The following SRR variants were observed in gnomAD, a reference collection of about 807,000 sequenced individuals.
The protein encoded by SRR is serine racemase.
In SRR, 19 loss-of-function variants were observed where a neutral mutation model predicts 32.7. That is an observed-to-expected ratio of 0.58 (90% CI 0.40 to 0.85). SRR has a LOEUF of 0.85. SRR is among the 40% of genes least tolerant of loss of function. SRR has a pLI of 0.00. For missense variants in SRR, 373 were observed against 404.7 expected (o/e 0.92, Z 0.67); for synonymous variants, 142 against 140.9 (o/e 1.01, Z -0.06).
chr17:2,303,896 T>A, upstream of SRR: 1 of 355,544 alleles, frequency 2.8e-6, no homozygotes, highest in Non-Finnish European at 5.0e-6. Context: ...CGCCGCCGGT[T>A]CCAGAGGGGC....
intron 1 of SRR, among the ~76,000 whole-genome samples, chr17:2,306,596 A>G (rs909116470): frequency 5.9e-5 from 9 of 152,002 alleles, no homozygotes; most frequent in African/African-American, 2.2e-4. Flanking sequence ...GGGTGCCTGT[A>G]ATCCCAGCTA....
Position 2,323,930 on chromosome 17 carries a change from T to C in SRR, c.*57T>C. The C allele has an allele frequency of 4.1e-6, 6 of 1,466,698 alleles. No individual in the cohort carries two copies. The highest frequency in any genetic ancestry group is 5.7e-6 in the Non-Finnish European group (6 of 1,058,430). 90.9% of individuals were successfully genotyped at this position (1,466,698 alleles called of 1,614,324 possible). ...GTCTTTAGATACTGAAGACATTTTG[T>C]TTCCTAGTATTGTCAACTCTTAGTT... On this transcript the variant is annotated 3_prime_UTR_variant, in exon 8 of 8. Transcript: ENST00000344595.
Position 2,325,160 on chromosome 17 carries a change from A to G in SRR, c.*1287A>G. 1 of 673,714 alleles carries G rather than the reference A, an allele frequency of 1.5e-6. No individual in the cohort carries two copies. Among genetic ancestry groups the G allele is most frequent in the Non-Finnish European group, 2.5e-6 (1 of 405,312 alleles). The allele number at this position is 673,714 out of a possible 1,614,324, so 41.7% of individuals were successfully genotyped here. A position where few individuals can be genotyped will look rare whatever the true frequency, so the allele number is the denominator to read the frequency against. On this transcript the variant is annotated 3_prime_UTR_variant, in exon 8 of 8. Transcript: ENST00000344595. ...TGGAGTTTTCATTGTTCTATTAACA[A>G]TGTTAAATGAAGACTTACTGTATTT...
At chr17:2,321,136 T>C (rs971503248) in intron 4 of SRR, among the ~76,000 whole-genome samples, 170 bp from the exon 5 acceptor site, 14 of 152,214 alleles carry the variant, frequency 9.2e-5, no homozygotes, top group African/African-American at 3.1e-4. Flanking sequence ...ATCTCTACCA[T>C]ACAATATAAC....
intron 2 of SRR, among the ~76,000 whole-genome samples, chr17:2,316,298 CAT>C (rs1333934960): frequency 1.3e-5 from 2 of 152,154 alleles, no homozygotes; most frequent in African/African-American, 4.8e-5. Flanking sequence ...TTTCTCGAAA[CAT>C]ATCCCCATCC....
intron 2 of SRR, 119 bp downstream of exon 2, chr17:2,315,847 GA>G: frequency 6.9e-6 from 7 of 1,020,100 alleles, no homozygotes; most frequent in Non-Finnish European, 6.9e-6. Context: ...TATACAGCTG[GA>G]AAAAAGGTTA....
chr17:2,311,789 G>T (rs775783814), intron 1 of SRR, among the ~76,000 whole-genome samples: 9 of 152,180 alleles, frequency 5.9e-5, no homozygotes, highest in Non-Finnish European at 1.0e-4. Context: ...TATTAATACA[G>T]TATATAATAG....
chr17:2,311,117 G>A (rs1422831037), intron 1 of SRR, among the ~76,000 whole-genome samples: 1 of 150,944 alleles, frequency 6.6e-6, no homozygotes, highest in African/African-American at 2.4e-5. Flanking sequence ...CTGAACTCCT[G>A]ATCTCAAGTG....
chr17:2,306,700 G>C (rs2075393255), intron 1 of SRR: 1 of 505,904 alleles, frequency 2.0e-6, no homozygotes, highest in Non-Finnish European at 3.6e-6. Context: ...CTGGGTGACA[G>C]ATAGAGACTC....
At chr17:2,308,423 A>C (rs1355902199) in intron 1 of SRR, among the ~76,000 whole-genome samples, 1 of 152,234 alleles carries the variant, frequency 6.6e-6, no homozygotes, top group Non-Finnish European at 1.5e-5. Flanking sequence ...AAAAAGGGAC[A>C]TCCTCTTGGA....
intron 1 of SRR, chr17:2,306,709 T>G: frequency 1.9e-6 from 1 of 524,716 alleles, no homozygotes; most frequent in Non-Finnish European, 3.4e-6. Context: ...AGATAGAGAC[T>G]CTGTCTCAAA....
chr17:2,313,121 T>TATTA (rs937686038), intron 1 of SRR, among the ~76,000 whole-genome samples: 1 of 152,178 alleles, frequency 6.6e-6, no homozygotes, highest in African/African-American at 2.4e-5. Context: ...AAAGAAGTAC[T>TATTA]ATTAAGTCAT....
At position 2,316,025 on chromosome 17, in the gene SRR, T is replaced by C. The variant is rs2075470018; in HGVS notation, c.168+297T>C. ...ATAATATATACATAAAATACAGTCA[T>C]ATGCCACATAACGTTTCAGTCAATG... On this transcript the variant is annotated intron_variant, in intron 2 of 7. Coordinates refer to ENST00000344595, the MANE Select transcript of SRR (RefSeq NM_021947.3). Among the ~76,000 whole-genome samples the C allele has an allele frequency of 2.0e-5, 3 of 152,136 alleles. No individual in the cohort carries two copies. In the South Asian group the frequency reaches 6.2e-4, roughly 32 times the overall value.
chr17:2,317,918 G>A lies in SRR; in HGVS notation c.217G>A (p.Glu73Lys), dbSNP rs757613663. The change falls in exon 3 of 8, where the codon GAA (glutamate) becomes AAA (lysine). Residue 73 changes from glutamate (E) to lysine (K), a missense_variant. Transcript: ENST00000344595. ...AVRSLVPDAL[E>K]RKPKAVVTHS... ...CAGAAGCTTGGTTCCTGATGCTTTAGAAAGGAAGCCGAAAGCTGTTGTTAC... is the reference window on the plus strand; with the variant it reads ...CAGAAGCTTGGTTCCTGATGCTTTAAAAAGGAAGCCGAAAGCTGTTGTTAC... 1.2e-6 allele frequency: 2 copies of A among 1,613,958 alleles called. No individual in the cohort carries two copies.
chr17:2,308,382 TAC>T (rs1445642734), intron 1 of SRR, among the ~76,000 whole-genome samples: 1 of 152,182 alleles, frequency 6.6e-6, no homozygotes, highest in Non-Finnish European at 1.5e-5. Flanking sequence ...GATACTAATA[TAC>T]ACACATTTCT....
At chr17:2,317,534 T>C (rs915225878) in intron 2 of SRR, among the ~76,000 whole-genome samples, 2 of 140,040 alleles carry the variant, frequency 1.4e-5, no homozygotes, top group Non-Finnish European at 3.1e-5. Context: ...AAAAAAAAAA[T>C]TTAGCCGGGC....
Position 2,324,954 on chromosome 17 carries a change from G to C in SRR, c.*1081G>C. On this transcript the variant is annotated 3_prime_UTR_variant, in exon 8 of 8. Coordinates refer to ENST00000344595, the MANE Select transcript of SRR (RefSeq NM_021947.3). ...CATCCCTGCCCTAGCCCAATCTGAG[G>C]CTAAGATTGGTAAACTGTAAGCCCA... 1 of 1,081,888 alleles carries C rather than the reference G, an allele frequency of 9.2e-7. No individual in the cohort carries two copies. The highest frequency in any genetic ancestry group is 1.3e-6 in the Non-Finnish European group (1 of 776,406). The allele number at this position is 1,081,888 out of a possible 1,614,324, so 67.0% of individuals were successfully genotyped here.
chr17:2,320,209 G>C (rs1165411839), intron 4 of SRR, among the ~76,000 whole-genome samples: 5 of 147,324 alleles, frequency 3.4e-5, no homozygotes, highest in Non-Finnish European at 7.4e-5. Flanking sequence ...CTAATCCCTG[G>C]ATAAACTCAA....
In SRR at chr17:2,323,222, G is replaced by A. The variant is rs1334972922; in HGVS notation, c.681G>A (p.Met227Ile). Residue 227 changes from methionine to isoleucine, a missense_variant, in exon 7 of 8, where the codon ATG (methionine) becomes ATA (isoleucine). Transcript: ENST00000344595. ...CYQSKLKGKL[M>I]PNLYPPETIA... ...AGTCCAAGCTGAAGGGGAAACTGAT[G>A]CCCAATCTTTATCCTCCAGAAACCA... 1 of 1,614,076 alleles carries A rather than the reference G, an allele frequency of 6.2e-7. No individual in the cohort carries two copies. The highest frequency in any genetic ancestry group is 2.2e-5 in the East Asian group (1 of 44,900).
Sources: gnomAD v4.1 joint callset for allele counts (sites outside exome capture counted in the v4.1 genomes callset) on GRCh38, gnomAD v4.1.1 for gene constraint, MANE v1.5 for transcripts, NCBI Gene and HGNC (gene_info 2026-07-23, HGNC 2026-07-21) for gene names.